The following DMD variants were observed in gnomAD, a reference collection of about 807,000 sequenced individuals.
The protein encoded by DMD is mutant dystrophin.
In DMD, 63 loss-of-function variants were observed where a neutral mutation model predicts 330.1. That is an observed-to-expected ratio of 0.19 (90% CI 0.16 to 0.24). The LOEUF (loss-of-function observed/expected upper bound fraction) is 0.24. Ranked by LOEUF, DMD falls within the 10% of genes least tolerant of loss-of-function variation. The pLI is 1.00. For missense variants in DMD, 3,344 were observed against 2,684.1 expected (o/e 1.25, Z -5.43); for synonymous variants, 1,223 against 959.8 (o/e 1.27, Z -5.07).
At chrX:32,438,714 T>A (rs768478647) in intron 28 of DMD, among the ~76,000 whole-genome samples, 1 of 112,007 alleles carries the variant, frequency 8.9e-6, no homozygotes, top group East Asian at 2.8e-4. Context: ...TGATAGCTAG[T>A]GGTGTCCACG....
chrX:32,637,108 A>C (rs756275200), intron 11 of DMD, among the ~76,000 whole-genome samples: 2 of 112,342 alleles, frequency 1.8e-5, no homozygotes, highest in East Asian at 5.6e-4. Flanking sequence ...AAATTGGCAG[A>C]TGTCATCAGG....
At chrX:33,314,493 T>C (rs1603430090) in intron 1 of DMD, among the ~76,000 whole-genome samples, 1 of 107,548 alleles carries the variant, frequency 9.3e-6, no homozygotes, top group East Asian at 2.9e-4. Flanking sequence ...CCTGACCTCA[T>C]GTGATCCGTC....
chrX:31,908,948 G>A (rs2094512731), intron 47 of DMD, among the ~76,000 whole-genome samples: 1 of 111,946 alleles, frequency 8.9e-6, no homozygotes, highest in African/African-American at 3.3e-5. Flanking sequence ...AAGTGCTAAA[G>A]GGATATCGGT....
chrX:31,885,385 C>A (rs1439221747), intron 47 of DMD, among the ~76,000 whole-genome samples: 3 of 110,055 alleles, frequency 2.7e-5, no homozygotes, highest in African/African-American at 9.9e-5. Context: ...CCGAGGCGGG[C>A]GGATCATAAG....
intron 1 of DMD, among the ~76,000 whole-genome samples, chrX:33,070,860 C>A: frequency 9.3e-6 from 1 of 107,529 alleles, no homozygotes; most frequent in South Asian, 4.2e-4. Flanking sequence ...GCAAATCTAT[C>A]TAGAAAAAAG....
chrX:33,282,101 A>G (rs973741818), intron 1 of DMD, among the ~76,000 whole-genome samples: 3 of 110,692 alleles, frequency 2.7e-5, no homozygotes, highest in South Asian at 7.9e-4. Context: ...GGATAGCCTT[A>G]CCAGTGCTCT....
chrX:32,465,952 A>T (rs1263439621), intron 23 of DMD, among the ~76,000 whole-genome samples: 5 of 111,240 alleles, frequency 4.5e-5, no homozygotes, highest in Admixed American at 1.9e-4. Flanking sequence ...GTCTCACCTC[A>T]TTCTAATTAC....
intron 19 of DMD, among the ~76,000 whole-genome samples, chrX:32,499,729 CACTCA>C (rs781029990): frequency 8.7e-4 from 97 of 111,048 alleles, no homozygotes; most frequent in African/African-American, 2.9e-3. Context: ...TGAGCTACAC[CACTCA>C]ACTGTACTTT....
At chrX:32,513,642 G>A (rs765817286) in intron 18 of DMD, among the ~76,000 whole-genome samples, 9 of 111,467 alleles carry the variant, frequency 8.1e-5, no homozygotes, top group African/African-American at 2.6e-4. Context: ...AATAAAGGAG[G>A]TCTGGGGAAA....
chrX:32,856,780 C>T (rs1360530157), intron 2 of DMD, among the ~76,000 whole-genome samples: 1 of 111,574 alleles, frequency 9.0e-6, no homozygotes, highest in East Asian at 2.8e-4. Flanking sequence ...ATTTACTGTA[C>T]ATTTAAGAAT....
rs149534445 is a variant in DMD, at chrX:31,502,399, T to G, written c.8390+4882A>C. ...AGAGAGAGAAAGAAGGTCAGAGATA[T>G]TCAATGTCCAAGTTGCAGTTTTCTC... On this transcript the variant is annotated intron_variant, in intron 56 of 78. Coordinates refer to ENST00000357033, the MANE Select transcript of DMD (RefSeq NM_004006.3). Among the ~76,000 whole-genome samples, 884 of 110,593 alleles carry G rather than the reference T, an allele frequency of 8.0e-3. 6 individuals are homozygous for G. Among genetic ancestry groups the G allele is most frequent in the Non-Finnish European group, 0.013 (697 of 52,608 alleles).
intron 11 of DMD, among the ~76,000 whole-genome samples, chrX:32,634,573 G>C (rs1051563714): frequency 3.6e-5 from 4 of 111,706 alleles, no homozygotes; most frequent in Non-Finnish European, 7.5e-5. Context: ...CCAGGACGGG[G>C]TCCTTCTCTT....
intron 62 of DMD, among the ~76,000 whole-genome samples, chrX:31,265,151 T>C: frequency 8.9e-6 from 1 of 112,262 alleles, no homozygotes; most frequent in South Asian, 3.7e-4. Flanking sequence ...TCTCTTGCGA[T>C]TTGCAGAGGA....
At chrX:32,929,278 T>C (rs1482261568) in intron 2 of DMD, among the ~76,000 whole-genome samples, 1 of 111,594 alleles carries the variant, frequency 9.0e-6, no homozygotes, top group Admixed American at 9.5e-5. Context: ...ATCAGCTGTG[T>C]CCAAACCATA....
chrX:31,563,497 CCCTT>C (rs1290275728), intron 55 of DMD, among the ~76,000 whole-genome samples: 1 of 112,182 alleles, frequency 8.9e-6, no homozygotes, highest in Non-Finnish European at 1.9e-5. Flanking sequence ...CAAGCCCCCT[CCCTT>C]ATTATTGATG....
intron 52 of DMD, among the ~76,000 whole-genome samples, chrX:31,694,617 C>CATATATATATATATATATATATAT (rs34933227): frequency 1.7e-5 from 1 of 58,188 alleles, no homozygotes; most frequent in Non-Finnish European, 3.0e-5. Flanking sequence ...TGACAAACAG[C>CATATATATATATATATATATATAT]ATATATATAT....
At chrX:32,639,219 G>T (rs751983850) in intron 11 of DMD, among the ~76,000 whole-genome samples, 17 of 111,772 alleles carry the variant, frequency 1.5e-4, no homozygotes, top group Non-Finnish European at 2.4e-4. Context: ...GCTCTCTGCA[G>T]GTTGCATTTT....
intron 64 of DMD, 103 bp from the exon 65 acceptor site, chrX:31,209,802 T>TAA: frequency 5.2e-6 from 4 of 767,776 alleles, no homozygotes; most frequent in Non-Finnish European, 7.8e-6. Flanking sequence ...TCATACCCTT[T>TAA]AATAAACACC....
At chrX:31,603,087 C>G (rs1187064982) in intron 55 of DMD, among the ~76,000 whole-genome samples, 1 of 111,133 alleles carries the variant, frequency 9.0e-6, no homozygotes, top group Non-Finnish European at 1.9e-5. Context: ...TTGTGCTACT[C>G]TGTCATACCC....
Sources: allele counts gnomAD v4.1 joint callset (sites outside exome capture counted in the v4.1 genomes callset), GRCh38; gene constraint gnomAD v4.1.1; transcripts MANE v1.5; gene names NCBI Gene and HGNC (gene_info 2026-07-23, HGNC 2026-07-21).